Variants in DLGAP2 observed in about 807,000 individuals in gnomAD.
DLGAP2 encodes the protein disks large-associated protein 2.
DLGAP2 carries 26 observed loss-of-function variants against 100.3 expected under a neutral mutation model. That is an observed-to-expected ratio of 0.26 (90% CI 0.19 to 0.36). The LOEUF is 0.36. Among genes scored for constraint, DLGAP2 ranks in the 10% least tolerant of loss-of-function variants. The pLI, the probability that DLGAP2 is intolerant of heterozygous loss-of-function variation, is 1.00. For missense variants in DLGAP2, 1,858 were observed against 1,453.2 expected, an observed-to-expected ratio of 1.28 and a Z score of -4.53; for synonymous variants, 886 against 630.1, an observed-to-expected ratio of 1.41 and a Z score of -6.08.
At chr8:1,234,287 G>A (rs889256703) in intron 2 of DLGAP2, among the ~76,000 whole-genome samples, 1 of 152,128 alleles carries the variant, frequency 6.6e-6, no homozygotes, top group Non-Finnish European at 1.5e-5. Flanking sequence ...TGGAGGCCAC[G>A]GGTCTGAAAT....
intron 12 of DLGAP2, chr8:1,680,899 T>C (rs1798927708): frequency 6.6e-6 from 1 of 152,232 alleles, no homozygotes; most frequent in South Asian, 2.1e-4. Context: ...TCTGGTTTTG[T>C]GCATGCTGAC....
chr8:781,935 G>A (rs1821699113), intron 1 of DLGAP2, among the ~76,000 whole-genome samples: 1 of 152,126 alleles, frequency 6.6e-6, no homozygotes, highest in South Asian at 2.1e-4. Context: ...CTGGGAGCTG[G>A]GGGGATGGAG....
intron 4 of DLGAP2, among the ~76,000 whole-genome samples, chr8:1,541,793 A>G (rs993192797): frequency 5.3e-5 from 8 of 152,250 alleles, no homozygotes; most frequent in Non-Finnish European, 8.8e-5. Flanking sequence ...TTATCGGGTC[A>G]GTTAACAGAT....
At chr8:810,651 T>C (rs1796353803) in intron 1 of DLGAP2, among the ~76,000 whole-genome samples, 1 of 152,190 alleles carries the variant, frequency 6.6e-6, no homozygotes, top group Non-Finnish European at 1.5e-5. Flanking sequence ...TATAAAAAGG[T>C]GTAATTGAGT....
At chr8:817,596 A>C (rs376268524) in intron 1 of DLGAP2, among the ~76,000 whole-genome samples, 92 of 152,300 alleles carry the variant, frequency 6.0e-4, no homozygotes, top group African/African-American at 2.1e-3. Context: ...GGTAGACTAC[A>C]TCAGAGGGAA....
intron 2 of DLGAP2, among the ~76,000 whole-genome samples, chr8:1,255,007 T>TGTGTGTGTGTCCTCTCCTCCTGCC (rs1563043347): frequency 3.1e-5 from 1 of 32,054 alleles, no homozygotes; most frequent in African/African-American, 1.3e-4. Context: ...CTCATCCTGC[T>TGTGTGTGTGTCCTCTCCTCCTGCC]TGGGCGCTGT....
intron 2 of DLGAP2, among the ~76,000 whole-genome samples, chr8:1,252,567 G>C (rs117624962): frequency 0.011 from 1,630 of 152,400 alleles, 16 homozygotes; most frequent in Admixed American, 0.017. Flanking sequence ...GTCATGTCCT[G>C]GGTCATGGTG....
Position 1,083,464 on chromosome 8 carries a change from G to A in DLGAP2, c.74-175387G>A, listed in dbSNP as rs766777452. 8.5e-5 allele frequency among the ~76,000 whole-genome samples: 13 copies of A among 152,174 alleles called. No individual in the cohort carries two copies. In the East Asian group the frequency reaches 2.1e-3, roughly 25 times the overall value. Reference sequence around the variant, plus strand: ...AGTCATTTTAACTTTTATGACGTTCGAGTTTGTGTTGACCTTTTAGTGCCC... The same window carrying A: ...AGTCATTTTAACTTTTATGACGTTCAAGTTTGTGTTGACCTTTTAGTGCCC... On this transcript the variant is annotated intron_variant, in intron 2 of 14. Coordinates refer to ENST00000637795, the MANE Select transcript of DLGAP2 (RefSeq NM_001346810.2).
chr8:1,415,133 G>C (rs1796843578), intron 3 of DLGAP2, among the ~76,000 whole-genome samples: 1 of 152,322 alleles, frequency 6.6e-6, no homozygotes, highest in African/African-American at 2.4e-5. Flanking sequence ...CATACAAACA[G>C]GTACACACAT....
chr8:968,779 A>C (rs771390569), intron 2 of DLGAP2, among the ~76,000 whole-genome samples: 3 of 152,188 alleles, frequency 2.0e-5, no homozygotes, highest in Non-Finnish European at 4.4e-5. Flanking sequence ...CGTCTTCAGT[A>C]GGGTTCCTGG....
intron 3 of DLGAP2, among the ~76,000 whole-genome samples, chr8:1,322,669 A>G (rs1465593179): frequency 1.3e-5 from 2 of 152,056 alleles, no homozygotes; most frequent in Non-Finnish European, 2.9e-5. Context: ...GCACCCACCC[A>G]TCGTGCTGCG....
chr8:1,342,770 T>A (rs1801447055), intron 3 of DLGAP2, among the ~76,000 whole-genome samples: 1 of 152,242 alleles, frequency 6.6e-6, no homozygotes, highest in African/African-American at 2.4e-5. Flanking sequence ...GTGTGTGTGT[T>A]GAAGTGCCGG....
chr8:923,655 T>A (rs897844609), intron 2 of DLGAP2, among the ~76,000 whole-genome samples: 5 of 152,222 alleles, frequency 3.3e-5, no homozygotes, highest in African/African-American at 1.2e-4. Context: ...TAGAGACCCC[T>A]CTGAGCTTGG....
chr8:1,458,407 C>T (rs921053540), intron 3 of DLGAP2, among the ~76,000 whole-genome samples: 3 of 152,136 alleles, frequency 2.0e-5, no homozygotes, highest in Non-Finnish European at 4.4e-5. Context: ...ATGTATCATA[C>T]CTGGCCTTTT....
At position 1,697,274 on chromosome 8, in the gene DLGAP2, AGAT is replaced by A; in HGVS notation, c.2929_2931del (p.Met977del). 1 of 1,608,354 alleles carries A rather than the reference AGAT, an allele frequency of 6.2e-7. No homozygotes were observed. The highest frequency in any genetic ancestry group is 8.5e-7 in the Non-Finnish European group (1 of 1,176,794). On this transcript the variant is annotated inframe_deletion, in exon 14 of 15. Transcript: ENST00000637795. Reference sequence around the variant, plus strand: ...CAGCGGCTGCGGCTCAACGACTGGAAGATGATGGAGTCCCCGGAAAGAAAGGTA... The same window carrying A: ...CAGCGGCTGCGGCTCAACGACTGGAAGATGGAGTCCCCGGAAAGAAAGGTA...
intron 2 of DLGAP2, among the ~76,000 whole-genome samples, chr8:997,659 G>T (rs955010973): frequency 1.3e-5 from 2 of 152,074 alleles, no homozygotes; most frequent in Admixed American, 6.5e-5. Context: ...TCACACAAAC[G>T]TTTGTTCATC....
chr8:1,208,046 G>T (rs1349224074), intron 2 of DLGAP2, among the ~76,000 whole-genome samples: 1 of 152,088 alleles, frequency 6.6e-6, no homozygotes, highest in Non-Finnish European at 1.5e-5. Flanking sequence ...TATTTCTTTT[G>T]CTGTGCAGAA....
chr8:1,270,945 A>AT (rs1255872811), intron 3 of DLGAP2, among the ~76,000 whole-genome samples: 1 of 152,126 alleles, frequency 6.6e-6, no homozygotes, highest in Non-Finnish European at 1.5e-5. Flanking sequence ...CTACTTAGTA[A>AT]AACTGTTTCT....
chr8:1,314,232 T>C (rs1439753563), intron 3 of DLGAP2, among the ~76,000 whole-genome samples: 1 of 152,220 alleles, frequency 6.6e-6, no homozygotes, highest in African/African-American at 2.4e-5. Context: ...TCCGTTTTAA[T>C]TGAGTTACTG....
Sources: allele counts gnomAD v4.1 joint callset (sites outside exome capture counted in the v4.1 genomes callset), GRCh38; gene constraint gnomAD v4.1.1; transcripts MANE v1.5; gene names NCBI Gene and HGNC (gene_info 2026-07-23, HGNC 2026-07-21).